BRINP3: variants seen among roughly 807,000 people sequenced by gnomAD.
BRINP3 encodes BMP/retinoic acid-inducible neural-specific protein 3.
Under a neutral mutation model 71.0 loss-of-function variants are expected in BRINP3, and 19 were observed. The ratio of observed to expected loss-of-function variants is 0.27; its 90% CI spans 0.19 to 0.39. The LOEUF is 0.39. Among genes scored for constraint, BRINP3 ranks in the 10% least tolerant of loss-of-function variants. The pLI is 1.00. For synonymous variants in BRINP3, 380 were observed against 337.7 expected (o/e 1.13, Z -1.37); for missense variants, 959 against 940.8 (o/e 1.02, Z -0.25).
intron 4 of BRINP3, among the ~76,000 whole-genome samples, chr1:190,242,249 A>T (rs1659171402): frequency 6.6e-6 from 1 of 152,076 alleles, no homozygotes; most frequent in South Asian, 2.1e-4. Flanking sequence ...GTGAAAATTC[A>T]CATAAAAATG....
At chr1:190,194,566 T>C (rs981454718) in intron 6 of BRINP3, among the ~76,000 whole-genome samples, 2 of 152,116 alleles carry the variant, frequency 1.3e-5, no homozygotes, top group African/African-American at 4.8e-5. Flanking sequence ...AACTACACTT[T>C]GTTTTCAAAA....
chr1:190,206,163 T>A (rs2102631608), intron 6 of BRINP3, among the ~76,000 whole-genome samples: 1 of 152,108 alleles, frequency 6.6e-6, no homozygotes, highest in African/African-American at 2.4e-5. Flanking sequence ...CTACATGACT[T>A]AAATGTAACA....
chr1:190,207,039 ATAAG>A (rs1558065394), intron 6 of BRINP3, among the ~76,000 whole-genome samples: 2 of 151,662 alleles, frequency 1.3e-5, no homozygotes, highest in African/African-American at 4.8e-5. Context: ...AAAATTCAAA[ATAAG>A]TAAGAGTGAT....
chr1:190,304,081 T>G (rs188943480), intron 2 of BRINP3, among the ~76,000 whole-genome samples: 70 of 151,956 alleles, frequency 4.6e-4, no homozygotes, highest in African/African-American at 1.7e-3. Context: ...TCTACACTTA[T>G]GCAAGTCTGC....
At chr1:190,397,518 G>A (rs1269301206) in intron 2 of BRINP3, among the ~76,000 whole-genome samples, 1 of 151,844 alleles carries the variant, frequency 6.6e-6, no homozygotes, top group East Asian at 1.9e-4. Context: ...ACAATCAGTT[G>A]TGTACCTTAG....
chr1:190,189,711 T>A (rs1558048735), intron 6 of BRINP3, among the ~76,000 whole-genome samples: 2 of 152,132 alleles, frequency 1.3e-5, no homozygotes, highest in African/African-American at 2.4e-5. Context: ...TGATCTTGCT[T>A]AAAAGAGTTA....
At chr1:190,340,020 T>C (rs764350330) in intron 2 of BRINP3, among the ~76,000 whole-genome samples, 12 of 151,932 alleles carry the variant, frequency 7.9e-5, no homozygotes, top group Non-Finnish European at 1.8e-4. Flanking sequence ...ACTTACTACC[T>C]ATGACTGAGT....
At chr1:190,342,928 A>G (rs2103117600) in intron 2 of BRINP3, among the ~76,000 whole-genome samples, 1 of 151,986 alleles carries the variant, frequency 6.6e-6, no homozygotes, top group Non-Finnish European at 1.5e-5. Context: ...AAGACAGAAA[A>G]CGGTGTTAAG....
intron 2 of BRINP3, among the ~76,000 whole-genome samples, chr1:190,364,462 G>A (rs1009978485): frequency 4.6e-5 from 7 of 151,976 alleles, no homozygotes; most frequent in African/African-American, 1.2e-4. Context: ...AATAAACAAC[G>A]TGGAGCCCAG....
chr1:190,429,607 T>C (rs77577536), intron 2 of BRINP3, among the ~76,000 whole-genome samples: 1 of 151,218 alleles, frequency 6.6e-6, no homozygotes, highest in Non-Finnish European at 1.5e-5. Flanking sequence ...TTTTTTTTTT[T>C]TGTGAAGGAG....
intron 2 of BRINP3, among the ~76,000 whole-genome samples, chr1:190,422,929 T>C (rs753471769): frequency 5.3e-5 from 8 of 151,792 alleles, no homozygotes; most frequent in South Asian, 2.1e-4. Context: ...TATTTCAAAT[T>C]ATCATTGTGT....
intron 2 of BRINP3, among the ~76,000 whole-genome samples, chr1:190,324,769 T>C (rs563866195): frequency 6.6e-6 from 1 of 152,008 alleles, no homozygotes; most frequent in Admixed American, 6.6e-5. Flanking sequence ...AAGCAATGAT[T>C]GTCATGAGGA....
chr1:190,380,468 T>A (rs187618028), intron 2 of BRINP3, among the ~76,000 whole-genome samples: 89 of 152,256 alleles, frequency 5.8e-4, no homozygotes, highest in Non-Finnish European at 1.0e-4. Flanking sequence ...TGAAGGGAGA[T>A]CTGTATAGGA....
At chr1:190,384,716 C>A (rs557790224) in intron 2 of BRINP3, among the ~76,000 whole-genome samples, 184 of 151,844 alleles carry the variant, frequency 1.2e-3, no homozygotes, top group Non-Finnish European at 2.3e-3. Flanking sequence ...TTTAGAGAAT[C>A]AAATTAATTC....
chr1:190,454,010 T>C (rs1009212191), intron 2 of BRINP3, among the ~76,000 whole-genome samples: 1 of 152,226 alleles, frequency 6.6e-6, no homozygotes, highest in Non-Finnish European at 1.5e-5. Context: ...TCACGGGACA[T>C]CAGGTGAACA....
At chr1:190,269,955 T>A (rs936833041) in intron 3 of BRINP3, among the ~76,000 whole-genome samples, 7 of 152,028 alleles carry the variant, frequency 4.6e-5, no homozygotes, top group Non-Finnish European at 1.0e-4. Context: ...TTATTGACAT[T>A]TGGCAACAAC....
At chr1:190,175,997 TTTTTG>T (rs768195504) in intron 6 of BRINP3, among the ~76,000 whole-genome samples, 1 of 152,064 alleles carries the variant, frequency 6.6e-6, no homozygotes, top group South Asian at 2.1e-4. Context: ...GTAACATGTG[TTTTTG>T]TTTTGTTTTG....
At chr1:190,289,801 A>T (rs1389347043) in intron 2 of BRINP3, among the ~76,000 whole-genome samples, 1 of 152,020 alleles carries the variant, frequency 6.6e-6, no homozygotes, top group African/African-American at 2.4e-5. Flanking sequence ...TTTCTGCTCT[A>T]CCATACCTGT....
chr1:190,250,328 G>C (rs566606378), intron 4 of BRINP3, among the ~76,000 whole-genome samples: 162 of 152,092 alleles, frequency 1.1e-3, no homozygotes, highest in Non-Finnish European at 2.0e-3. Context: ...AGCAAAAAGT[G>C]TTCAAATTTA....
Sources: allele counts gnomAD v4.1 joint callset (sites outside exome capture counted in the v4.1 genomes callset), GRCh38; gene constraint gnomAD v4.1.1; transcripts MANE v1.5; gene names NCBI Gene and HGNC (gene_info 2026-07-23, HGNC 2026-07-21).